Variants in UGT2B4 observed in about 807,000 individuals in gnomAD.
The protein encoded by UGT2B4 is UDP glucuronosyltransferase family 2 member B4.
UGT2B4 carries 49 observed loss-of-function variants against 49.8 expected under a neutral mutation model. The ratio of observed to expected loss-of-function variants is 0.98; its 90% CI spans 0.78 to 1.25. The LOEUF is 1.25. UGT2B4 is among the 50% of genes most tolerant of loss of function. The pLI is 0.00. For missense variants in UGT2B4, 729 were observed against 627.7 expected, an observed-to-expected ratio of 1.16 and a Z score of -1.73; for synonymous variants, 246 against 217.7, an observed-to-expected ratio of 1.13 and a Z score of -1.14.
At chr4:69,482,682 C>A (rs1267173839) in intron 5 of UGT2B4, among the ~76,000 whole-genome samples, 1 of 152,068 alleles carries the variant, frequency 6.6e-6, no homozygotes, top group Non-Finnish European at 1.5e-5. Context: ...TCTCGGCTCA[C>A]TGCAACCTCC....
intron 1 of UGT2B4, among the ~76,000 whole-genome samples, chr4:69,511,906 A>T (rs1422541384): frequency 6.6e-6 from 1 of 152,030 alleles, no homozygotes; most frequent in Non-Finnish European, 1.5e-5. Context: ...GTTCTTATGA[A>T]TATATCAATT....
chr4:69,508,628 T>C (rs1227976096), intron 1 of UGT2B4, among the ~76,000 whole-genome samples: 3 of 152,162 alleles, frequency 2.0e-5, no homozygotes, highest in African/African-American at 7.2e-5. Context: ...CTGCAGGTCC[T>C]TATCTGTAAG....
intron 1 of UGT2B4, among the ~76,000 whole-genome samples, chr4:69,506,788 C>T (rs1171206891): frequency 6.6e-6 from 1 of 152,122 alleles, no homozygotes; most frequent in Non-Finnish European, 1.5e-5. Context: ...AACTTCAAGC[C>T]AATATCCTTG....
At position 69,480,875 on chromosome 4, in the gene UGT2B4, T is replaced by C. The variant is rs1355713944; in HGVS notation, c.1346A>G (p.His449Arg). 1 of 1,613,822 alleles carries C rather than the reference T, an allele frequency of 6.2e-7. No homozygotes were observed. The highest frequency in any genetic ancestry group is 8.5e-7 in the Non-Finnish European group (1 of 1,179,802). The part of the protein sequence containing the change: ...KENAMKLSRI[H>R]HDQPVKPLDR... ...AAGGGGCTTCACTGGTTGATCATGA[T>C]GAATTCTTGATAATTTCATAGCATT... The change falls in exon 6 of 6, where the codon CAT becomes CGT. Residue 449 changes from histidine (H) to arginine (R), a missense_variant. Coordinates refer to ENST00000305107, the MANE Select transcript of UGT2B4 (RefSeq NM_021139.3).
upstream of UGT2B4, among the ~76,000 whole-genome samples, chr4:69,498,815 G>T (rs2109817767): frequency 6.6e-6 from 1 of 151,916 alleles, no homozygotes; most frequent in South Asian, 2.1e-4. Flanking sequence ...TCAAGAAACA[G>T]CTCCTGGATT....
At chr4:69,493,912 T>A in intron 1 of UGT2B4, 71 bp from the exon 2 acceptor site, 2 of 1,528,068 alleles carry the variant, frequency 1.3e-6, no homozygotes, top group Non-Finnish European at 8.7e-7. Context: ...CTGAAAGAAG[T>A]TAGAATAATG....
At chr4:69,496,012 C>A (rs1387462338), upstream of UGT2B4, 2 of 1,265,040 alleles carry the variant, frequency 1.6e-6, no homozygotes. Context: ...ATGTGGATGA[C>A]AAAGAGACAA....
chr4:69,502,094 T>TTTCTTTCTTTCC (rs1728336988), intron 1 of UGT2B4, among the ~76,000 whole-genome samples: 2 of 81,936 alleles, frequency 2.4e-5, no homozygotes, highest in Non-Finnish European at 4.9e-5. Context: ...TTTCTCTCTC[T>TTTCTTTCTTTCC]TTCTTTCTTT....
chr4:69,489,171 A>T (rs1727904425), intron 3 of UGT2B4, among the ~76,000 whole-genome samples: 1 of 151,998 alleles, frequency 6.6e-6, no homozygotes, highest in South Asian at 2.1e-4. Context: ...CCCCAGTATC[A>T]TGATAATACC....
intron 2 of UGT2B4, among the ~76,000 whole-genome samples, chr4:69,492,027 A>G (rs1379094417): frequency 6.6e-6 from 1 of 152,120 alleles, no homozygotes; most frequent in Non-Finnish European, 1.5e-5. Flanking sequence ...ATCAATTTAA[A>G]ATATATTACA....
upstream of UGT2B4, chr4:69,496,038 C>T (rs1463656467): frequency 4.7e-6 from 5 of 1,074,256 alleles, no homozygotes; most frequent in Non-Finnish European, 6.4e-6. Flanking sequence ...AGGTAGATGA[C>T]CTGTTTACAC....
chr4:69,520,558 C>T (rs1056042178), intron 1 of UGT2B4, among the ~76,000 whole-genome samples: 1 of 152,264 alleles, frequency 6.6e-6, no homozygotes, highest in African/African-American at 2.4e-5. Flanking sequence ...CGCTGCCTGG[C>T]TTCTCCTTAC....
At chr4:69,493,378 G>T (rs779636115) in intron 2 of UGT2B4, among the ~76,000 whole-genome samples, 1 of 152,002 alleles carries the variant, frequency 6.6e-6, no homozygotes, top group Non-Finnish European at 1.5e-5. Context: ...TCCCATACAC[G>T]TACCTGTGGT....
intron 1 of UGT2B4, among the ~76,000 whole-genome samples, chr4:69,519,252 TG>T (rs1728794959): frequency 6.6e-6 from 1 of 152,162 alleles, no homozygotes; most frequent in Non-Finnish European, 1.5e-5. Flanking sequence ...AGCCATGAAT[TG>T]GCATATAAAA....
chr4:69,493,880 G>A, intron 1 of UGT2B4, 39 bp from the exon 2 acceptor site: 1 of 1,565,824 alleles, frequency 6.4e-7, no homozygotes. Flanking sequence ...GATGACACAA[G>A]ATAATTAAAC....
chr4:69,516,507 T>A (rs2109831499), intron 1 of UGT2B4, among the ~76,000 whole-genome samples: 1 of 152,330 alleles, frequency 6.6e-6, no homozygotes, highest in African/African-American at 2.4e-5. Flanking sequence ...GTTTTTTGAC[T>A]TTTTAATAAT....
At chr4:69,519,022 A>C (rs937441356) in intron 1 of UGT2B4, among the ~76,000 whole-genome samples, 1 of 152,212 alleles carries the variant, frequency 6.6e-6, no homozygotes, top group African/African-American at 2.4e-5. Flanking sequence ...CATAATAATT[A>C]GAAGAAATAG....
chr4:69,509,936 T>A (rs1460482292), intron 1 of UGT2B4, among the ~76,000 whole-genome samples: 1 of 152,160 alleles, frequency 6.6e-6, no homozygotes, highest in East Asian at 1.9e-4. Flanking sequence ...TCCAGACCAA[T>A]GTTATGAAGC....
chr4:69,487,533 GC>G (rs754433021), intron 3 of UGT2B4, among the ~76,000 whole-genome samples: 2 of 152,094 alleles, frequency 1.3e-5, no homozygotes, highest in Non-Finnish European at 2.9e-5. Context: ...ATAAGTGGAA[GC>G]TAAAACATGA....
Sources: gnomAD v4.1 joint callset for allele counts (sites outside exome capture counted in the v4.1 genomes callset) on GRCh38, gnomAD v4.1.1 for gene constraint, MANE v1.5 for transcripts, NCBI Gene and HGNC (gene_info 2026-07-23, HGNC 2026-07-21) for gene names.